HPSE2: variants seen among roughly 807,000 people sequenced by gnomAD.
HPSE2 encodes heparanase 2 (inactive).
In HPSE2, 38 loss-of-function variants were observed where a neutral mutation model predicts 60.5. The ratio of observed to expected loss-of-function variants is 0.63; its 90% CI spans 0.48 to 0.82. The LOEUF is 0.82. Ranked by LOEUF, HPSE2 falls within the 40% of genes least tolerant of loss-of-function variation. The pLI, the probability that HPSE2 is intolerant of heterozygous loss-of-function variation, is 0.00. For synonymous variants in HPSE2, 295 were observed against 293.2 expected, an observed-to-expected ratio of 1.01 and a Z score of -0.06; for missense variants, 713 against 740.4, an observed-to-expected ratio of 0.96 and a Z score of 0.43.
chr10:99,232,491 AC>A lies in HPSE2; in HGVS notation c.304del (p.Val102Ter). 1 of 1,554,938 alleles carries A rather than the reference AC, an allele frequency of 6.4e-7. No homozygotes were observed. Among genetic ancestry groups the A allele is most frequent in the Non-Finnish European group, 8.7e-7 (1 of 1,149,576 alleles). On this transcript the variant is annotated frameshift_variant, in exon 2 of 12. Coordinates refer to ENST00000370552, the MANE Select transcript of HPSE2 (RefSeq NM_021828.5). LOFTEE classifies it high-confidence loss of function. ...WLDFLSSKRL[V>X]TLARGLSPAF... ...GGGCGAAAGTCCCCGGGCCAGGGTC[AC>A]CAAGCGCTTGGAGCTGCAGAGGAAG...
intron 3 of HPSE2, among the ~76,000 whole-genome samples, chr10:99,012,479 C>A (rs1279491804): frequency 6.6e-6 from 1 of 151,426 alleles, no homozygotes; most frequent in Non-Finnish European, 1.5e-5. Flanking sequence ...TTGGTTAATA[C>A]AATACAGAGA....
chr10:99,231,507 C>A (rs1244245618), intron 2 of HPSE2, among the ~76,000 whole-genome samples: 1 of 152,182 alleles, frequency 6.6e-6, no homozygotes, highest in Non-Finnish European at 1.5e-5. Context: ...TAGATGTTAA[C>A]ACCTAACCTT....
chr10:99,246,266 CTGACAA>C, the HPSE2 span, among the ~76,000 whole-genome samples: 2 of 152,146 alleles, frequency 1.3e-5, no homozygotes, highest in Non-Finnish European at 2.9e-5. Flanking sequence ...TTATTGAGGT[CTGACAA>C]TGGACCGGGT....
intron 9 of HPSE2, among the ~76,000 whole-genome samples, chr10:98,580,689 T>C (rs539674034): frequency 7.6e-4 from 116 of 152,068 alleles, no homozygotes; most frequent in Non-Finnish European, 1.4e-3. Flanking sequence ...CCAGTATGTA[T>C]ACATGCTGAA....
Position 99,126,467 on chromosome 10 carries a change from C to T in HPSE2, c.610+17771G>A, listed in dbSNP as rs191650227. ...GTTACCCTGGCCAATGTATGGCAAG[C>T]GTAGATCTCCTTACTACTGTTGCAG... On this transcript the variant is annotated intron_variant, in intron 3 of 11. Transcript: ENST00000370552. The surrounding 1 kb of genome is among the most constrained non-coding windows in gnomAD (Gnocchi z 4.0). Among the ~76,000 whole-genome samples the T allele has an allele frequency of 3.3e-5, 5 of 151,628 alleles. No homozygotes were observed. The highest frequency in any genetic ancestry group is 9.7e-5 in the African/African-American group (4 of 41,298).
At chr10:98,824,099 G>T (rs1169028908) in intron 3 of HPSE2, among the ~76,000 whole-genome samples, 1 of 152,074 alleles carries the variant, frequency 6.6e-6, no homozygotes, top group Non-Finnish European at 1.5e-5. Flanking sequence ...TAGTTCAAAA[G>T]GGAAATTGGA....
At chr10:98,632,106 G>A (rs1212780331) in intron 7 of HPSE2, among the ~76,000 whole-genome samples, 1 of 152,162 alleles carries the variant, frequency 6.6e-6, no homozygotes, top group African/African-American at 2.4e-5. Flanking sequence ...TAATGGATAA[G>A]AGTGCTGGTT....
intron 3 of HPSE2, among the ~76,000 whole-genome samples, chr10:98,982,634 T>C (rs10883238): frequency 0.46 from 70,148 of 151,800 alleles, 18,342 homozygotes; most frequent in Non-Finnish European, 0.6. Context: ...CCAAATAAAG[T>C]TAATTTTGAC....
intron 5 of HPSE2, among the ~76,000 whole-genome samples, chr10:98,714,956 G>A (rs1372897493): frequency 1.3e-5 from 2 of 151,718 alleles, no homozygotes; most frequent in African/African-American, 4.8e-5. Flanking sequence ...ATCTATTCAC[G>A]TGCTTATTGG....
intron 3 of HPSE2, among the ~76,000 whole-genome samples, chr10:98,977,607 A>T (rs1276401084): frequency 1.3e-5 from 2 of 152,278 alleles, no homozygotes; most frequent in African/African-American, 4.8e-5. Context: ...AAGCAAGTCC[A>T]CTTAACTTCT....
intron 3 of HPSE2, among the ~76,000 whole-genome samples, chr10:98,989,186 C>A (rs188819064): frequency 0.035 from 5,297 of 152,216 alleles, 123 homozygotes; most frequent in South Asian, 0.057. Flanking sequence ...GCTATAAAGA[C>A]ACATGCACAC....
chr10:98,532,124 T>C (rs1429745423), intron 9 of HPSE2, among the ~76,000 whole-genome samples: 9 of 152,222 alleles, frequency 5.9e-5, no homozygotes, highest in Admixed American at 4.6e-4. Flanking sequence ...AATGTTTGCC[T>C]GTTTAACATG....
chr10:98,630,192 T>TG (rs892777969), intron 7 of HPSE2, among the ~76,000 whole-genome samples: 4 of 149,368 alleles, frequency 2.7e-5, no homozygotes, highest in Admixed American at 6.7e-5. Context: ...CGTTTTTTTT[T>TG]TTGTTTTTTT....
intron 9 of HPSE2, among the ~76,000 whole-genome samples, chr10:98,504,467 T>A (rs1942129625): frequency 6.6e-6 from 1 of 152,122 alleles, no homozygotes; most frequent in Non-Finnish European, 1.5e-5. Context: ...CTGAAGCACA[T>A]GAGAACCTAC....
chr10:98,763,733 G>C (rs1188072509), intron 3 of HPSE2, among the ~76,000 whole-genome samples: 1 of 150,832 alleles, frequency 6.6e-6, no homozygotes, highest in Non-Finnish European at 1.5e-5. Flanking sequence ...ACTATATCTA[G>C]AGAATATATT....
chr10:98,519,930 C>A (rs1942731124), intron 9 of HPSE2, among the ~76,000 whole-genome samples: 1 of 152,204 alleles, frequency 6.6e-6, no homozygotes. Context: ...GTAGCAGCAA[C>A]ATACATGAGA....
At chr10:98,634,934 G>A (rs570383099) in intron 7 of HPSE2, among the ~76,000 whole-genome samples, 1 of 152,280 alleles carries the variant, frequency 6.6e-6, no homozygotes, top group South Asian at 2.1e-4. Context: ...TTCTCTGAGA[G>A]GACTTCCCTG....
intron 3 of HPSE2, among the ~76,000 whole-genome samples, chr10:98,828,224 T>C (rs1305982712): frequency 6.6e-6 from 1 of 152,256 alleles, no homozygotes; most frequent in Non-Finnish European, 1.5e-5. Flanking sequence ...ACACTGCTTC[T>C]TTTTGAATAA....
intron 3 of HPSE2, among the ~76,000 whole-genome samples, chr10:98,993,284 T>C (rs1956568917): frequency 6.6e-6 from 1 of 152,250 alleles, no homozygotes; most frequent in African/African-American, 2.4e-5. Flanking sequence ...GAACTGCATG[T>C]ATAACAACAT....
Sources: allele counts gnomAD v4.1 joint callset (sites outside exome capture counted in the v4.1 genomes callset), GRCh38; gene constraint gnomAD v4.1.1; non-coding constraint Gnocchi (gnomAD v3.1); transcripts MANE v1.5; gene names NCBI Gene and HGNC (gene_info 2026-07-23, HGNC 2026-07-21).